RPS6KA6: variants seen among roughly 807,000 people sequenced by gnomAD.
The protein encoded by RPS6KA6 is ribosomal protein S6 kinase A6.
In RPS6KA6, 27 loss-of-function variants were observed where a neutral mutation model predicts 65.4. That is an observed-to-expected ratio of 0.41 (90% CI 0.30 to 0.57). The LOEUF is 0.57. RPS6KA6 is among the 20% of genes least tolerant of loss of function. The probability of loss-of-function intolerance (pLI) is 0.24; values close to 1 mark genes in which losing one functional copy is unlikely to be tolerated. For missense variants in RPS6KA6, 486 were observed against 555.6 expected, an observed-to-expected ratio of 0.87 and a Z score of 1.26; for synonymous variants, 190 against 184.2, an observed-to-expected ratio of 1.03 and a Z score of -0.26.
rs1430354007 is a variant in RPS6KA6, at chrX:84,106,936, T to C, written c.1216A>G (p.Ser406Gly). Residue 406 changes from serine (S) to glycine (G), a missense_variant, in exon 14 of 22, where the codon AGT (serine) becomes GGT (glycine). By Grantham distance (56) the Ser-to-Gly change is moderately conservative. This residue lies in a region of RPS6KA6 where 345 missense variants were observed against 375.0 expected (regional missense o/e 0.92). Coordinates refer to ENST00000262752, the MANE Select transcript of RPS6KA6 (RefSeq NM_014496.5). ...TGAACAATTGGTAATACATTTGCAC[T>C]TGTGATAGGAGTGATTTTATATTCT... is the stretch of plus-strand genomic sequence containing the variant. ...AEEYKITPIT[S>G]ANVLPIVQIN... 1 of 1,189,186 alleles carries C rather than the reference T, an allele frequency of 8.4e-7. No individual in the cohort carries two copies. The highest frequency in any genetic ancestry group is 1.1e-6 in the Non-Finnish European group (1 of 879,226).
chrX:84,098,488 T>C (rs1265156715), intron 18 of RPS6KA6, among the ~76,000 whole-genome samples: 2 of 111,288 alleles, frequency 1.8e-5, no homozygotes, highest in African/African-American at 3.2e-5. Flanking sequence ...AATAATACAT[T>C]TGCTATGTAT....
At chrX:84,108,403 G>A (rs922887050) in intron 12 of RPS6KA6, among the ~76,000 whole-genome samples, 1 of 111,662 alleles carries the variant, frequency 9.0e-6, no homozygotes, top group East Asian at 2.8e-4. Flanking sequence ...CTCATGGTGA[G>A]GAATCAAAAT....
rs1196515547 is a variant in RPS6KA6, at chrX:84,061,260, T to C, written c.*3017A>G. 1 of 112,263 alleles carries C rather than the reference T, an allele frequency of 8.9e-6. No individual in the cohort carries two copies. The highest frequency in any genetic ancestry group is 1.9e-5 in the Non-Finnish European group (1 of 53,148). The allele number at this position is 112,263 out of a possible 1,213,427, so 9.3% of individuals were successfully genotyped here. On this transcript the variant is annotated 3_prime_UTR_variant, in exon 22 of 22. Transcript: ENST00000262752. The stretch of plus-strand genomic sequence containing the variant: ...TCTAGAAAATACTAGTCAATCTGTA[T>C]GGAAGTTTCTCTGGGCAGTACTATT...
intron 1 of RPS6KA6, among the ~76,000 whole-genome samples, chrX:84,166,175 C>T (rs140089873): frequency 3.5e-4 from 39 of 111,906 alleles, no homozygotes; most frequent in Admixed American, 7.6e-4. Context: ...ACTGAATTAA[C>T]ATTGGAACCA....
chrX:84,182,740 T>C (rs940888012), intron 1 of RPS6KA6, among the ~76,000 whole-genome samples: 4 of 112,049 alleles, frequency 3.6e-5, no homozygotes, highest in African/African-American at 1.3e-4. Flanking sequence ...AGAAGGCACC[T>C]GTGGCAGGGA....
chrX:84,077,013 C>T (rs2033675388), intron 20 of RPS6KA6, among the ~76,000 whole-genome samples: 1 of 110,649 alleles, frequency 9.0e-6, no homozygotes, highest in South Asian at 3.8e-4. Context: ...ATATTAAAAA[C>T]AAAATATTTG....
intron 8 of RPS6KA6, among the ~76,000 whole-genome samples, chrX:84,126,677 G>A (rs947103444): frequency 9.0e-6 from 1 of 110,898 alleles, no homozygotes; most frequent in Admixed American, 9.6e-5. Context: ...ACAACTAGAC[G>A]TCAACAACAA....
At chrX:84,147,117 C>A in intron 4 of RPS6KA6, 59 bp from the exon 5 acceptor site, 1 of 636,600 alleles carries the variant, frequency 1.6e-6, no homozygotes, top group Non-Finnish European at 2.4e-6. Flanking sequence ...GTTAAGAGTC[C>A]ATCAATAATT....
chrX:84,106,559 T>C, intron 14 of RPS6KA6, 72 bp from the exon 15 acceptor site: 1 of 724,609 alleles, frequency 1.4e-6, no homozygotes, highest in African/African-American at 2.2e-5. Flanking sequence ...TTGTCCTAAA[T>C]ATACATTCAT....
intron 9 of RPS6KA6, 121 bp downstream of exon 9, chrX:84,119,764 G>A (rs1277126227): frequency 1.6e-5 from 7 of 429,947 alleles, no homozygotes; most frequent in South Asian, 1.1e-4. Flanking sequence ...GGTTTTTGGT[G>A]TTAATTATAA....
chrX:84,174,001 T>C (rs1013749352), intron 1 of RPS6KA6, among the ~76,000 whole-genome samples: 1 of 112,377 alleles, frequency 8.9e-6, no homozygotes, highest in South Asian at 3.7e-4. Flanking sequence ...TAAAAAAGTA[T>C]CTTTGTATAT....
At chrX:84,171,671 T>C (rs1279910470) in intron 1 of RPS6KA6, among the ~76,000 whole-genome samples, 2 of 111,850 alleles carry the variant, frequency 1.8e-5, no homozygotes, top group Non-Finnish European at 3.8e-5. Context: ...AATTCCTTTT[T>C]TTAAAATTTT....
At chrX:84,134,746 C>A (rs2034963306) in intron 8 of RPS6KA6, 36 bp downstream of exon 8, 1 of 924,986 alleles carries the variant, frequency 1.1e-6, no homozygotes, top group Non-Finnish European at 1.5e-6. Context: ...AAATATGAAT[C>A]AAGTGGCTAA....
chrX:84,126,935 G>A (rs1028413923), intron 8 of RPS6KA6, among the ~76,000 whole-genome samples: 2 of 111,235 alleles, frequency 1.8e-5, no homozygotes, highest in Admixed American at 1.9e-4. Flanking sequence ...AACTAGAGAA[G>A]CAAGTGAATT....
chrX:84,139,998 A>C (rs188345188), intron 6 of RPS6KA6, among the ~76,000 whole-genome samples: 3 of 111,962 alleles, frequency 2.7e-5, no homozygotes, highest in African/African-American at 9.7e-5. Context: ...CAAAATTCAC[A>C]GGATGGAGTA....
intron 2 of RPS6KA6, among the ~76,000 whole-genome samples, chrX:84,161,257 A>G (rs1445139229): frequency 9.0e-6 from 1 of 111,379 alleles, no homozygotes; most frequent in East Asian, 2.8e-4. Context: ...AACATACTGA[A>G]TATCACTTTT....
intron 2 of RPS6KA6, among the ~76,000 whole-genome samples, chrX:84,159,075 T>A (rs964666761): frequency 9.2e-6 from 1 of 109,253 alleles, no homozygotes; most frequent in Non-Finnish European, 1.9e-5. Context: ...CATATACACA[T>A]GTGTGTATGT....
At chrX:84,106,583 C>A in intron 14 of RPS6KA6, 96 bp from the exon 15 acceptor site, 1 of 616,063 alleles carries the variant, frequency 1.6e-6, no homozygotes, top group Non-Finnish European at 2.4e-6. Flanking sequence ...AAGCCTTAAA[C>A]TAGAATAATT....
chrX:84,079,646 G>A (rs141567796), intron 20 of RPS6KA6, among the ~76,000 whole-genome samples: 101 of 111,121 alleles, frequency 9.1e-4, no homozygotes, highest in African/African-American at 3.0e-3. Flanking sequence ...GGGGGGAGGG[G>A]CGTCCACCAT....
Sources: allele counts gnomAD v4.1 joint callset (sites outside exome capture counted in the v4.1 genomes callset), GRCh38; gene constraint gnomAD v4.1.1; regional missense constraint gnomAD v4.1.1; transcripts MANE v1.5; gene names NCBI Gene and HGNC (gene_info 2026-07-23, HGNC 2026-07-21).